Variants in COX16 observed in about 807,000 individuals in gnomAD.
COX16 encodes the protein cytochrome c oxidase assembly factor COX16.
A neutral mutation model predicts 15.4 loss-of-function variants in COX16; 12 were observed. That is an observed-to-expected ratio of 0.78 (90% CI 0.50 to 1.26). The LOEUF (loss-of-function observed/expected upper bound fraction) is 1.26. COX16 is among the 50% of genes most tolerant of loss of function. The pLI is 0.00. For missense variants in COX16, 124 were observed against 127.6 expected (o/e 0.97, Z 0.14); for synonymous variants, 46 against 41.1 (o/e 1.12, Z -0.46).
intron 2 of COX16, among the ~76,000 whole-genome samples, chr14:70,329,907 T>A (rs775821815): frequency 9.9e-5 from 15 of 151,850 alleles, no homozygotes; most frequent in Non-Finnish European, 1.8e-4. Context: ...AGGATTTCAC[T>A]GGAATAATGC....
chr14:70,349,106 A>G (rs78474180), intron 1 of COX16, among the ~76,000 whole-genome samples: 16,450 of 151,970 alleles, frequency 0.11, 1,097 homozygotes, highest in Admixed American at 0.15. Context: ...CCTCCCCAAC[A>G]CTTTCCATGT....
rs531919608 is a variant in COX16, at chr14:70,355,991, T to G, written c.69+3528A>C. Among the ~76,000 whole-genome samples, 9 of 152,284 alleles carry G rather than the reference T, an allele frequency of 5.9e-5. No individual in the cohort carries two copies. The South Asian group carries it at 1.9e-3, about 32-fold the overall frequency. ...CTGCACATGCTGGCTCCCTTTTGCC[T>G]TCTGCCACAAGTGGAAGCAGCTTGA... On this transcript the variant is annotated intron_variant, in intron 1 of 3. Coordinates refer to ENST00000389912, the MANE Select transcript of COX16 (RefSeq NM_016468.7).
In COX16 at chr14:70,329,207, T is replaced by C. The variant is rs1305422094; in HGVS notation, c.171A>G (p.Lys57=). 2 of 1,608,064 alleles carry C rather than the reference T, an allele frequency of 1.2e-6. No individual in the cohort carries two copies. The highest frequency in any genetic ancestry group is 2.2e-5 in the East Asian group (1 of 44,500). ...KMDPELEKKL[K]ENKISLESEY... is the part of the protein sequence containing the mutation. Reference sequence around the variant, plus strand: ...CCGACTCTAAAGATATTTTATTCTCTTTCAGTTTTTTTTCAAGCTCAGGAT... The same window carrying C: ...CCGACTCTAAAGATATTTTATTCTCCTTCAGTTTTTTTTCAAGCTCAGGAT... Residue 57 remains lysine (K), a synonymous_variant, in exon 3 of 4, where the codon AAA becomes AAG. Coordinates refer to ENST00000389912, the MANE Select transcript of COX16 (RefSeq NM_016468.7).
At chr14:70,358,397 A>C (rs1396183996) in intron 1 of COX16, among the ~76,000 whole-genome samples, 2 of 63,240 alleles carry the variant, frequency 3.2e-5, no homozygotes, top group East Asian at 3.4e-4. Flanking sequence ...TTTTTTTTGG[A>C]GAGACAGAGG....
intron 2 of COX16, among the ~76,000 whole-genome samples, chr14:70,330,722 A>AACTT (rs967666057): frequency 6.6e-6 from 1 of 152,216 alleles, no homozygotes; most frequent in African/African-American, 2.4e-5. Flanking sequence ...CAGACTTAAA[A>AACTT]ACTTATATGA....
rs2140677293 is a variant in COX16, at chr14:70,329,175, T to TCA, written c.201_202dup (p.Glu68ValfsTer54). 1 of 1,607,420 alleles carries TCA rather than the reference T, an allele frequency of 6.2e-7. No homozygotes were observed. The highest frequency in any genetic ancestry group is 2.2e-5 in the East Asian group (1 of 44,502). ...AGAGACTATATTAACATACCGTACC[T>TCA]CATATTCCGACTCTAAAGATATTTT... On this transcript the variant is annotated frameshift_variant and splice_region_variant, in exon 3 of 4. Coordinates refer to ENST00000389912, the MANE Select transcript of COX16 (RefSeq NM_016468.7). LOFTEE classifies it high-confidence loss of function.
At chr14:70,356,554 A>G (rs1887131772) in intron 1 of COX16, among the ~76,000 whole-genome samples, 1 of 152,218 alleles carries the variant, frequency 6.6e-6, no homozygotes. Flanking sequence ...AGATGCTAAC[A>G]CAGAGATAAA....
chr14:70,339,824 G>A (rs1156308264), intron 2 of COX16, among the ~76,000 whole-genome samples: 1 of 152,068 alleles, frequency 6.6e-6, no homozygotes, highest in South Asian at 2.1e-4. Flanking sequence ...AATGTCATAA[G>A]CCTTGTCTTC....
chr14:70,353,518 A>G (rs1274220946), intron 1 of COX16, among the ~76,000 whole-genome samples: 1 of 151,412 alleles, frequency 6.6e-6, no homozygotes, highest in Non-Finnish European at 1.5e-5. Context: ...AGATATACAC[A>G]TATTTTTTTG....
intron 2 of COX16, among the ~76,000 whole-genome samples, chr14:70,342,271 C>T (rs1406110780): frequency 6.6e-6 from 1 of 152,022 alleles, no homozygotes; most frequent in African/African-American, 2.4e-5. Flanking sequence ...ATAGTGAAAC[C>T]CCATCTCTAC....
At chr14:70,326,990 A>G (rs1886101248) in intron 3 of COX16, among the ~76,000 whole-genome samples, 2 of 152,214 alleles carry the variant, frequency 1.3e-5, no homozygotes, top group Non-Finnish European at 2.9e-5. Flanking sequence ...TACATTATGG[A>G]TCATCCTACC....
rs976506655 is a variant in COX16 at position 70,325,107 on chromosome 14, C to A, written c.*1226G>T. ...CAACTTAATTTACTTTTTATTAAAA[C>A]CAACCTGCTGAAAAGAATACAAATT... On this transcript the variant is annotated 3_prime_UTR_variant, in exon 4 of 4. Coordinates refer to ENST00000389912, the MANE Select transcript of COX16 (RefSeq NM_016468.7). 1 of 151,892 alleles carries A rather than the reference C, an allele frequency of 6.6e-6. No individual in the cohort carries two copies. Among genetic ancestry groups the A allele is most frequent in the Non-Finnish European group, 1.5e-5 (1 of 67,998 alleles). The allele number at this position is 151,892 out of a possible 1,614,324, so 9.4% of individuals were successfully genotyped here.
chr14:70,333,353 A>G (rs1281406777), intron 2 of COX16, among the ~76,000 whole-genome samples: 2 of 152,242 alleles, frequency 1.3e-5, no homozygotes, highest in East Asian at 1.9e-4. Flanking sequence ...CCATTTAGAA[A>G]TTTATCAGAG....
chr14:70,355,215 T>G (rs998225966), intron 1 of COX16, among the ~76,000 whole-genome samples: 2 of 152,192 alleles, frequency 1.3e-5, no homozygotes, highest in African/African-American at 4.8e-5. Context: ...TCCACATTAC[T>G]AAATCTGGTG....
chr14:70,358,252 A>T (rs10148837), intron 1 of COX16, among the ~76,000 whole-genome samples: 109,189 of 151,752 alleles, frequency 0.72, 39,609 homozygotes, highest in East Asian at 0.93. Flanking sequence ...ACTATTAGTT[A>T]TGATGCTTTT....
At chr14:70,330,333 T>G (rs1195503173) in intron 2 of COX16, among the ~76,000 whole-genome samples, 1 of 152,156 alleles carries the variant, frequency 6.6e-6, no homozygotes, top group Non-Finnish European at 1.5e-5. Context: ...AAAGGCACAA[T>G]AGACAACCTG....
intron 1 of COX16, among the ~76,000 whole-genome samples, chr14:70,345,794 C>A (rs149452138): frequency 1.2e-4 from 19 of 152,242 alleles, no homozygotes; most frequent in African/African-American, 4.1e-4. Context: ...GCCCTGATCG[C>A]CTTTCTCCTC....
intron 2 of COX16, among the ~76,000 whole-genome samples, chr14:70,334,473 C>T (rs1028944506): frequency 3.3e-5 from 5 of 152,296 alleles, no homozygotes; most frequent in African/African-American, 1.2e-4. Context: ...GCCGAGATTG[C>T]ACCACTGCAC....
At chr14:70,351,152 CTATCT>C (rs1400126028) in intron 1 of COX16, among the ~76,000 whole-genome samples, 1 of 152,196 alleles carries the variant, frequency 6.6e-6, no homozygotes, top group Non-Finnish European at 1.5e-5. Context: ...GGTACAATTT[CTATCT>C]TATTTATGTC....
Sources: allele counts gnomAD v4.1 joint callset (sites outside exome capture counted in the v4.1 genomes callset), GRCh38; gene constraint gnomAD v4.1.1; transcripts MANE v1.5; gene names NCBI Gene and HGNC (gene_info 2026-07-23, HGNC 2026-07-21).